BORCS5: variants seen among roughly 807,000 people sequenced by gnomAD.
BORCS5 encodes BLOC-1-related complex subunit 5.
A neutral mutation model predicts 22.1 loss-of-function variants in BORCS5; 17 were observed. The observed-to-expected ratio is 0.77, with a 90% CI of 0.53 to 1.15. The LOEUF is 1.15. Ranked by LOEUF, BORCS5 falls within the 50% of genes most tolerant of loss-of-function variation. BORCS5 has a pLI of 0.00. For synonymous variants in BORCS5, 117 were observed against 99.8 expected (o/e 1.17, Z -1.03); for missense variants, 247 against 253.2 (o/e 0.98, Z 0.17).
chr12:12,399,365 TCAA>T (rs1000528353), intron 2 of BORCS5, among the ~76,000 whole-genome samples: 3 of 152,076 alleles, frequency 2.0e-5, no homozygotes, highest in Non-Finnish European at 2.9e-5. Context: ...GTTCCCCAAA[TCAA>T]CACTCACTCT....
chr12:12,405,897 C>A (rs973482553), intron 2 of BORCS5, among the ~76,000 whole-genome samples: 1 of 152,208 alleles, frequency 6.6e-6, no homozygotes, highest in Non-Finnish European at 1.5e-5. Context: ...GGATAGCTCA[C>A]AGAATCAGCA....
At chr12:12,406,385 C>T (rs905776964) in intron 2 of BORCS5, among the ~76,000 whole-genome samples, 1 of 152,186 alleles carries the variant, frequency 6.6e-6, no homozygotes, top group Non-Finnish European at 1.5e-5. Context: ...TTTTAGGCTA[C>T]TACTAAATGA....
rs1863276925 is a variant in BORCS5 at position 12,361,212 on chromosome 12, C to A, written c.65C>A (p.Pro22His). Residue 22 changes from proline (P) to histidine (H), a missense_variant, in exon 2 of 4, where the codon CCT becomes CAT. Transcript: ENST00000314565. ...RPNDLNSSVT[P>H]SPAKHRAKMD... ...AGTGTAACTTTATTTTCAGTGACTC[C>A]TTCACCAGCCAAGCATAGAGCCAAG... 6.2e-7 allele frequency: 1 copy of A among 1,613,896 alleles called. No homozygotes were observed. The highest frequency in any genetic ancestry group is 2.2e-5 in the East Asian group (1 of 44,870).
intron 2 of BORCS5, among the ~76,000 whole-genome samples, chr12:12,396,007 C>G (rs1941331304): frequency 6.6e-6 from 1 of 151,886 alleles, no homozygotes; most frequent in Non-Finnish European, 1.5e-5. Context: ...TTGTTTGTTT[C>G]TTTTGGAGAT....
At chr12:12,359,728 G>A (rs556572819) in intron 1 of BORCS5, among the ~76,000 whole-genome samples, 37 of 151,416 alleles carry the variant, frequency 2.4e-4, no homozygotes, top group African/African-American at 8.2e-4. Context: ...CCAGTCATTC[G>A]GGGGTTGAGA....
chr12:12,450,342 G>A (rs1400513964), intron 3 of BORCS5, among the ~76,000 whole-genome samples: 1 of 152,194 alleles, frequency 6.6e-6, no homozygotes, highest in African/African-American at 2.4e-5. Context: ...CCCTTGGTGA[G>A]GTCAAGAATT....
intron 3 of BORCS5, among the ~76,000 whole-genome samples, chr12:12,448,000 T>C (rs1003211471): frequency 1.3e-5 from 2 of 152,144 alleles, no homozygotes; most frequent in African/African-American, 4.8e-5. Context: ...CGTTTTTACA[T>C]GTTTACCATG....
intron 2 of BORCS5, among the ~76,000 whole-genome samples, chr12:12,425,840 G>T (rs998517747): frequency 6.6e-6 from 1 of 152,134 alleles, no homozygotes; most frequent in African/African-American, 2.4e-5. Flanking sequence ...AACACTTATA[G>T]TGGTAGGATA....
intron 3 of BORCS5, among the ~76,000 whole-genome samples, chr12:12,440,371 G>GAGC (rs1188351776): frequency 1.2e-4 from 19 of 152,194 alleles, no homozygotes; most frequent in Admixed American, 1.1e-3. Flanking sequence ...CAGCACTGTT[G>GAGC]AGCAGCTATT....
chr12:12,415,846 G>A (rs1179487391), intron 2 of BORCS5, among the ~76,000 whole-genome samples: 1 of 152,108 alleles, frequency 6.6e-6, no homozygotes, highest in Non-Finnish European at 1.5e-5. Flanking sequence ...CCTCATAGAT[G>A]AGTTAGGGAG....
intron 2 of BORCS5, among the ~76,000 whole-genome samples, chr12:12,402,505 T>G (rs1417354670): frequency 6.6e-6 from 1 of 152,228 alleles, no homozygotes; most frequent in African/African-American, 2.4e-5. Flanking sequence ...TTCAAGAGTT[T>G]TATCCAATAT....
chr12:12,431,556 C>G (rs1660015528), intron 2 of BORCS5, among the ~76,000 whole-genome samples: 1 of 152,006 alleles, frequency 6.6e-6, no homozygotes, highest in South Asian at 2.1e-4. Flanking sequence ...TGCCTGCCAC[C>G]ATGCCCAACT....
intron 2 of BORCS5, among the ~76,000 whole-genome samples, chr12:12,374,628 C>A (rs564290445): frequency 8.0e-5 from 12 of 150,140 alleles, no homozygotes; most frequent in African/African-American, 3.0e-4. Context: ...GACCCTGTCT[C>A]AAATAAAATA....
chr12:12,430,984 C>T (rs928334033), intron 2 of BORCS5, among the ~76,000 whole-genome samples: 3 of 152,104 alleles, frequency 2.0e-5, no homozygotes, highest in Non-Finnish European at 4.4e-5. Context: ...TATTCAGGGA[C>T]ATTGTGGTGT....
intron 3 of BORCS5, among the ~76,000 whole-genome samples, chr12:12,457,682 C>T (rs892461240): frequency 6.6e-6 from 1 of 152,188 alleles, no homozygotes; most frequent in Admixed American, 6.5e-5. Context: ...AGTCACTCAG[C>T]TTGAGCTCAG....
chr12:12,361,383 C>G, intron 2 of BORCS5, 34 bp downstream of exon 2: 1 of 1,606,678 alleles, frequency 6.2e-7, no homozygotes, highest in Non-Finnish European at 8.5e-7. Flanking sequence ...TCTGAACTTG[C>G]TGGAGACGTT....
intron 2 of BORCS5, among the ~76,000 whole-genome samples, chr12:12,415,356 G>A (rs1336546747): frequency 2.6e-5 from 4 of 151,190 alleles, no homozygotes; most frequent in Non-Finnish European, 4.4e-5. Context: ...AGACCAGCCC[G>A]GCCAACACAG....
intron 2 of BORCS5, among the ~76,000 whole-genome samples, chr12:12,402,257 T>A (rs1383387086): frequency 6.6e-6 from 1 of 152,126 alleles, no homozygotes; most frequent in East Asian, 1.9e-4. Flanking sequence ...TAACTATTCA[T>A]GGAATTAGAT....
intron 3 of BORCS5, among the ~76,000 whole-genome samples, chr12:12,462,215 G>A (rs115889868): frequency 6.6e-6 from 1 of 152,208 alleles, no homozygotes; most frequent in Non-Finnish European, 1.5e-5. Flanking sequence ...GGATGATAAT[G>A]TTCTCCTTGC....
Sources: allele counts gnomAD v4.1 joint callset (sites outside exome capture counted in the v4.1 genomes callset), GRCh38; gene constraint gnomAD v4.1.1; transcripts MANE v1.5; gene names NCBI Gene and HGNC (gene_info 2026-07-23, HGNC 2026-07-21).